GRM1: variants seen among roughly 807,000 people sequenced by gnomAD.
The protein encoded by GRM1 is metabotropic glutamate receptor 1.
In GRM1, 33 loss-of-function variants were observed where a neutral mutation model predicts 90.9. The observed-to-expected ratio is 0.36, with a 90% confidence interval of 0.28 to 0.49. GRM1 has a LOEUF of 0.49. Among genes scored for constraint, GRM1 ranks in the 20% least tolerant of loss-of-function variants. GRM1 has a pLI of 0.99. For synonymous variants in GRM1, 700 were observed against 613.2 expected (o/e 1.14, Z -2.09); for missense variants, 1,190 against 1,534.3 (o/e 0.78, Z 3.75).
At chr6:146,143,232 A>G (rs1562490044) in intron 1 of GRM1, among the ~76,000 whole-genome samples, 3 of 152,240 alleles carry the variant, frequency 2.0e-5, no homozygotes, top group East Asian at 3.9e-4. Flanking sequence ...CTTTTCTTCC[A>G]TACCCTAATT....
intron 1 of GRM1, among the ~76,000 whole-genome samples, chr6:146,098,385 C>A (rs1194266701): frequency 2.6e-5 from 4 of 151,950 alleles, no homozygotes; most frequent in African/African-American, 9.7e-5. Context: ...CACAAATAGT[C>A]CTAAGTAGTA....
At chr6:146,115,448 C>T (rs977303767) in intron 1 of GRM1, among the ~76,000 whole-genome samples, 10 of 152,110 alleles carry the variant, frequency 6.6e-5, no homozygotes, top group African/African-American at 9.7e-5. Context: ...ATGCTATGCA[C>T]TACCATTCTT....
chr6:146,295,755 G>A (rs749345396), intron 2 of GRM1, among the ~76,000 whole-genome samples: 6 of 152,038 alleles, frequency 3.9e-5, no homozygotes, highest in African/African-American at 1.4e-4. Context: ...CTTTAGGTTC[G>A]AGGGTCATGG....
At chr6:146,240,729 A>G (rs1390205476) in intron 2 of GRM1, among the ~76,000 whole-genome samples, 5 of 152,140 alleles carry the variant, frequency 3.3e-5, no homozygotes, top group African/African-American at 1.2e-4. Context: ...CCAGTCTTCT[A>G]CTTTATGCTG....
chr6:146,426,295 A>G (rs1369976634), intron 7 of GRM1, among the ~76,000 whole-genome samples: 1 of 150,662 alleles, frequency 6.6e-6, no homozygotes, highest in Non-Finnish European at 1.5e-5. Context: ...GGGAAAGAGC[A>G]AACCTGGGGT....
intron 1 of GRM1, among the ~76,000 whole-genome samples, chr6:146,152,587 G>A (rs191288600): frequency 6.6e-6 from 1 of 152,018 alleles, no homozygotes; most frequent in East Asian, 1.9e-4. Flanking sequence ...TAACTTCTTT[G>A]AGCTTCCACA....
chr6:146,132,040 A>G (rs1486035270), intron 1 of GRM1, among the ~76,000 whole-genome samples: 1 of 152,200 alleles, frequency 6.6e-6, no homozygotes, highest in Non-Finnish European at 1.5e-5. Flanking sequence ...TTTGATAATG[A>G]AAAGAAGTCC....
In GRM1 at chr6:146,364,688, C is replaced by T. The variant is rs946945588; in HGVS notation, c.1602+6994C>T. 6.6e-5 allele frequency among the ~76,000 whole-genome samples: 10 copies of T among 151,760 alleles called. No homozygotes were observed. In the South Asian group the frequency reaches 8.3e-4, roughly 13 times the overall value. The stretch of plus-strand genomic sequence containing the variant: ...ATTAAAAAATAGTACAATAGTTACT[C>T]GCATATCCACCAATCTCATTCCAGA... On this transcript the variant is annotated intron_variant, in intron 5 of 7. Transcript: ENST00000282753.
chr6:146,268,342 C>G (rs1391479457), intron 2 of GRM1, among the ~76,000 whole-genome samples: 1 of 152,162 alleles, frequency 6.6e-6, no homozygotes, highest in African/African-American at 2.4e-5. Flanking sequence ...TTAAGAAGTT[C>G]ACTCCTTCAT....
intron 2 of GRM1, among the ~76,000 whole-genome samples, chr6:146,176,187 G>A (rs1778331989): frequency 6.6e-6 from 1 of 151,976 alleles, no homozygotes; most frequent in African/African-American, 2.4e-5. Flanking sequence ...CTCAGTAAAT[G>A]TTGACAATTG....
At chr6:146,140,083 T>TTTA (rs1562488043) in intron 1 of GRM1, among the ~76,000 whole-genome samples, 6 of 137,614 alleles carry the variant, frequency 4.4e-5, no homozygotes, top group African/African-American at 5.4e-5. Flanking sequence ...TTCTCCTTTC[T>TTTA]TTCTTTATTC....
At chr6:146,260,063 G>A (rs184262143) in intron 2 of GRM1, among the ~76,000 whole-genome samples, 11 of 151,440 alleles carry the variant, frequency 7.3e-5, no homozygotes, top group African/African-American at 1.7e-4. Flanking sequence ...AGAACGTGCA[G>A]GTTTGTTACA....
chr6:146,128,008 T>TG (rs1476889976), intron 1 of GRM1, among the ~76,000 whole-genome samples: 1 of 152,144 alleles, frequency 6.6e-6, no homozygotes, highest in Non-Finnish European at 1.5e-5. Flanking sequence ...GGCCATCTGC[T>TG]GGAACCTCAG....
At chr6:146,355,655 T>C (rs1785556551) in intron 4 of GRM1, among the ~76,000 whole-genome samples, 1 of 152,118 alleles carries the variant, frequency 6.6e-6, no homozygotes, top group Non-Finnish European at 1.5e-5. Flanking sequence ...ATTCCTTGTC[T>C]AGATTGAAAA....
At chr6:146,405,992 A>G (rs1284561993) in intron 7 of GRM1, among the ~76,000 whole-genome samples, 1 of 152,194 alleles carries the variant, frequency 6.6e-6, no homozygotes, top group Non-Finnish European at 1.5e-5. Flanking sequence ...TACTGCAATA[A>G]GTTGAGGAGT....
Position 146,434,013 on chromosome 6 carries a change from T to C in GRM1, c.2802T>C (p.Thr934=), listed in dbSNP as rs750107519. 2.5e-6 allele frequency: 4 copies of C among 1,614,144 alleles called. No individual in the cohort carries two copies. The South Asian group carries it at 4.4e-5, about 18-fold the overall frequency. The stretch of plus-strand genomic sequence containing the variant: ...AAACAGCCGTCATCAAGCCCCTCAC[T>C]AAAAGTTACCAAGGCTCTGGCAAGA... ...CNQTAVIKPL[T]KSYQGSGKSL... is the part of the protein sequence containing the mutation. Residue 934 remains threonine (T), a synonymous_variant, in exon 8 of 8, where the codon ACT becomes ACC. Transcript: ENST00000282753.
At chr6:146,161,331 G>A (rs1777716427) in intron 2 of GRM1, among the ~76,000 whole-genome samples, 1 of 152,100 alleles carries the variant, frequency 6.6e-6, no homozygotes, top group African/African-American at 2.4e-5. Context: ...ACAAAATTGT[G>A]CGGTGTGTAA....
In GRM1 at chr6:146,317,589, A is replaced by T. The variant is rs557013462; in HGVS notation, c.1186+12743A>T. 1.4e-4 allele frequency among the ~76,000 whole-genome samples: 21 copies of T among 152,354 alleles called. No homozygotes were observed. The South Asian group carries it at 3.5e-3, about 26-fold the overall frequency. ...GCTAGATATACTGTGACAAGAAATT[A>T]AAAATAGTTTAATGCCTTATAACAA... is the stretch of plus-strand genomic sequence containing the variant. On this transcript the variant is annotated intron_variant, in intron 3 of 7. Transcript: ENST00000282753.
chr6:146,034,629 T>C (rs540507367), intron 1 of GRM1, among the ~76,000 whole-genome samples: 1 of 152,092 alleles, frequency 6.6e-6, no homozygotes, highest in East Asian at 1.9e-4. Flanking sequence ...CAGCTTTGTG[T>C]CTCCAGGATT....
Sources: gnomAD v4.1 joint callset for allele counts (sites outside exome capture counted in the v4.1 genomes callset) on GRCh38, gnomAD v4.1.1 for gene constraint, MANE v1.5 for transcripts, NCBI Gene and HGNC (gene_info 2026-07-23, HGNC 2026-07-21) for gene names.